PDZRN4: variants seen among roughly 807,000 people sequenced by gnomAD.
PDZRN4 encodes the protein PDZ domain-containing RING finger protein 4.
Under a neutral mutation model 99.0 loss-of-function variants are expected in PDZRN4, and 70 were observed. The observed-to-expected ratio is 0.71, with a 90% CI of 0.58 to 0.86. The LOEUF (loss-of-function observed/expected upper bound fraction) is 0.86, where lower values mean the gene tolerates loss of function less well. Ranked by LOEUF, PDZRN4 falls within the 40% of genes least tolerant of loss-of-function variation. PDZRN4 has a pLI of 0.00. For synonymous variants in PDZRN4, 551 were observed against 501.6 expected (o/e 1.10, Z -1.32); for missense variants, 1,474 against 1,331.2 (o/e 1.11, Z -1.67).
At chr12:41,241,276 C>T (rs1951100300) in intron 3 of PDZRN4, among the ~76,000 whole-genome samples, 1 of 152,104 alleles carries the variant, frequency 6.6e-6, no homozygotes, top group Non-Finnish European at 1.5e-5. Flanking sequence ...ATTATGAATA[C>T]TCAATCTGTG....
intron 3 of PDZRN4, among the ~76,000 whole-genome samples, chr12:41,263,151 A>G (rs1422692299): frequency 6.6e-6 from 1 of 152,208 alleles, no homozygotes; most frequent in South Asian, 2.1e-4. Flanking sequence ...TACATGTATC[A>G]ATGAGACATA....
At chr12:41,282,522 C>G (rs1285148238) in intron 3 of PDZRN4, among the ~76,000 whole-genome samples, 5 of 152,228 alleles carry the variant, frequency 3.3e-5, no homozygotes, top group African/African-American at 9.6e-5. Context: ...CCAAGCAGAC[C>G]TAATAGACAT....
intron 5 of PDZRN4, among the ~76,000 whole-genome samples, chr12:41,513,176 A>G (rs713288): frequency 0.085 from 12,909 of 152,048 alleles, 1,293 homozygotes; most frequent in East Asian, 0.31. Context: ...CTTTTAACAC[A>G]CATATTATTT....
intron 3 of PDZRN4, among the ~76,000 whole-genome samples, chr12:41,324,535 C>T (rs914098055): frequency 7.2e-5 from 11 of 152,030 alleles, no homozygotes; most frequent in East Asian, 5.8e-4. Context: ...CAATATTTTT[C>T]GTTTACACAC....
intron 3 of PDZRN4, among the ~76,000 whole-genome samples, chr12:41,266,977 C>T (rs1479987250): frequency 6.6e-6 from 1 of 152,144 alleles, no homozygotes; most frequent in Non-Finnish European, 1.5e-5. Flanking sequence ...GTCTGTCCAT[C>T]TATACAGTTA....
chr12:41,469,538 A>T (rs1952964855), intron 3 of PDZRN4, among the ~76,000 whole-genome samples: 1 of 152,078 alleles, frequency 6.6e-6, no homozygotes, highest in Admixed American at 6.5e-5. Context: ...TAATTTTTTG[A>T]GGTTTTTTTC....
chr12:41,195,774 G>A (rs746438237), intron 3 of PDZRN4, among the ~76,000 whole-genome samples: 16 of 152,132 alleles, frequency 1.1e-4, no homozygotes, highest in Non-Finnish European at 2.2e-4. Context: ...AAGTTAGAAT[G>A]TGCACAGTAT....
At chr12:41,367,063 G>A (rs115279645) in intron 3 of PDZRN4, among the ~76,000 whole-genome samples, 5,015 of 152,124 alleles carry the variant, frequency 0.033, 118 homozygotes, top group African/African-American at 0.071. Flanking sequence ...TCAGCTCCAT[G>A]AGATTACAAG....
chr12:41,483,414 T>C (rs989878722), intron 3 of PDZRN4, among the ~76,000 whole-genome samples: 1 of 152,156 alleles, frequency 6.6e-6, no homozygotes, highest in Non-Finnish European at 1.5e-5. Flanking sequence ...GGATCCTAAA[T>C]CTCTCTTTTT....
intron 7 of PDZRN4, among the ~76,000 whole-genome samples, chr12:41,556,159 T>C (rs1209733573): frequency 6.6e-6 from 1 of 152,252 alleles, no homozygotes; most frequent in Non-Finnish European, 1.5e-5. Context: ...AAGTAGTTAA[T>C]AAATATTAAT....
At chr12:41,231,359 C>A (rs563440329) in intron 3 of PDZRN4, among the ~76,000 whole-genome samples, 77 of 152,122 alleles carry the variant, frequency 5.1e-4, no homozygotes, top group Admixed American at 1.0e-3. Context: ...TTTACATTGC[C>A]TAATTTTCCG....
chr12:41,452,528 G>T (rs1248297408), intron 3 of PDZRN4, among the ~76,000 whole-genome samples: 2 of 151,940 alleles, frequency 1.3e-5, no homozygotes, highest in African/African-American at 2.4e-5. Flanking sequence ...TACCTTCAGG[G>T]CTCCAAATAA....
intron 7 of PDZRN4, among the ~76,000 whole-genome samples, chr12:41,557,219 G>A (rs942067668): frequency 1.3e-5 from 2 of 148,458 alleles, no homozygotes; most frequent in Non-Finnish European, 3.0e-5. Context: ...CTTGTGAACA[G>A]ATCAACTCCA....
chr12:41,521,255 T>C (rs1162448940), intron 5 of PDZRN4, among the ~76,000 whole-genome samples: 1 of 152,134 alleles, frequency 6.6e-6, no homozygotes, highest in Non-Finnish European at 1.5e-5. Context: ...TACTTTTTCT[T>C]CATTCTGTAA....
chr12:41,311,267 G>A (rs1025260766), intron 3 of PDZRN4, among the ~76,000 whole-genome samples: 15 of 26,064 alleles, frequency 5.8e-4, no homozygotes, highest in East Asian at 2.1e-3. Flanking sequence ...TATAAGCAAT[G>A]AGAATTTTTT....
chr12:41,564,041 G>T (rs1939319183), intron 8 of PDZRN4, among the ~76,000 whole-genome samples: 1 of 151,804 alleles, frequency 6.6e-6, no homozygotes, highest in Non-Finnish European at 1.5e-5. Context: ...ATGGCTGTGT[G>T]GATCCTTTTA....
chr12:41,363,251 C>G lies in PDZRN4; in HGVS notation c.844-143205C>G. Among the ~76,000 whole-genome samples the G allele has an allele frequency of 1.3e-5, 2 of 151,896 alleles. 1 individual carries two copies. Among genetic ancestry groups the G allele is most frequent in the Non-Finnish European group, 2.9e-5 (2 of 67,964 alleles). ...TGAAGCAGCTTTTTGTTTTTATTACCCCCTCATGACTGAAGCAGAGGAGCT... is the reference window on the plus strand; with the variant it reads ...TGAAGCAGCTTTTTGTTTTTATTACGCCCTCATGACTGAAGCAGAGGAGCT... On this transcript the variant is annotated intron_variant, in intron 3 of 9. Coordinates refer to ENST00000402685, the MANE Select transcript of PDZRN4 (RefSeq NM_001164595.2).
chr12:41,261,799 C>A (rs1192420609), intron 3 of PDZRN4, among the ~76,000 whole-genome samples: 1 of 152,122 alleles, frequency 6.6e-6, no homozygotes, highest in Non-Finnish European at 1.5e-5. Flanking sequence ...TCAAATAGTT[C>A]TATTTCTCTT....
chr12:41,475,936 C>T (rs1317304324), intron 3 of PDZRN4, among the ~76,000 whole-genome samples: 1 of 152,034 alleles, frequency 6.6e-6, no homozygotes, highest in Admixed American at 6.6e-5. Flanking sequence ...GCTATAGTTC[C>T]ACATGTAAAG....
Sources: allele counts gnomAD v4.1 joint callset (sites outside exome capture counted in the v4.1 genomes callset), GRCh38; gene constraint gnomAD v4.1.1; transcripts MANE v1.5; gene names NCBI Gene and HGNC (gene_info 2026-07-23, HGNC 2026-07-21).